The following MYLK4 variants were observed in gnomAD, a reference collection of about 807,000 sequenced individuals.
The protein encoded by MYLK4 is caMLCK like.
Under a neutral mutation model 48.1 loss-of-function variants are expected in MYLK4, and 46 were observed. That is an observed-to-expected ratio of 0.96 (90% CI 0.75 to 1.22). MYLK4 has a LOEUF of 1.22. Among genes scored for constraint, MYLK4 ranks in the 50% most tolerant of loss-of-function variants. The probability of loss-of-function intolerance (pLI) is 0.00; values close to 1 mark genes in which losing one functional copy is unlikely to be tolerated. For missense variants in MYLK4, 451 were observed against 486.1 expected, an observed-to-expected ratio of 0.93 and a Z score of 0.68; for synonymous variants, 170 against 180.8, an observed-to-expected ratio of 0.94 and a Z score of 0.48.
intron 2 of MYLK4, among the ~76,000 whole-genome samples, chr6:2,733,253 G>T (rs1463968241): frequency 6.6e-6 from 1 of 152,194 alleles, no homozygotes; most frequent in Non-Finnish European, 1.5e-5. Flanking sequence ...AGGTATAAGA[G>T]AACCAAATTT....
chr6:2,764,322 G>A, the MYLK4 span, among the ~76,000 whole-genome samples: 1 of 152,054 alleles, frequency 6.6e-6, no homozygotes, highest in East Asian at 1.9e-4. Context: ...CAAAGGCTAA[G>A]GCGGAAGGGT....
chr6:2,765,335 A>G, the MYLK4 span: 19 of 256,532 alleles, frequency 7.4e-5, no homozygotes, highest in East Asian at 1.4e-3. Context: ...GCCACGGACT[A>G]CACTTACTTA....
the MYLK4 span, chr6:2,768,619 G>A: frequency 7.5e-7 from 1 of 1,339,632 alleles, no homozygotes; most frequent in African/African-American, 1.5e-5. Context: ...GCTGCGTGTG[G>A]TGGTTCCCAT....
chr6:2,678,626 C>T (rs1302399177), intron 9 of MYLK4, among the ~76,000 whole-genome samples: 1 of 151,734 alleles, frequency 6.6e-6, no homozygotes, highest in Admixed American at 6.6e-5. Flanking sequence ...TTTCAGCTTG[C>T]AAAGTGCTAC....
At chr6:2,745,135 A>C (rs995654956) in intron 2 of MYLK4, among the ~76,000 whole-genome samples, 2 of 152,156 alleles carry the variant, frequency 1.3e-5, no homozygotes, top group African/African-American at 4.8e-5. Flanking sequence ...AGCAGTGAGA[A>C]GCACGCAGGG....
rs924560547 is a variant in MYLK4 at position 2,712,280 on chromosome 6, G to A, written c.160-19421C>T. The stretch of plus-strand genomic sequence containing the variant: ...AGCTGGCTCCCTTTTGTCCATCAAC[G>A]GCAGTCACCAGCTGTGTTCAGTAGC... On this transcript the variant is annotated intron_variant, in intron 2 of 12. Coordinates refer to ENST00000274643, the MANE Select transcript of MYLK4 (RefSeq NM_001012418.5). Among the ~76,000 whole-genome samples, 4 of 152,140 alleles carry A rather than the reference G, an allele frequency of 2.6e-5. No homozygotes were observed. In the East Asian group the frequency reaches 5.8e-4, roughly 22 times the overall value.
In MYLK4 at chr6:2,692,814, C is replaced by G. The variant is rs766411254; in HGVS notation, c.205G>C (p.Val69Leu). The G allele has an allele frequency of 1.9e-6, 3 of 1,613,642 alleles. No individual in the cohort carries two copies. Among genetic ancestry groups the G allele is most frequent in the Non-Finnish European group, 2.5e-6 (3 of 1,179,888 alleles). The change falls in exon 3 of 13, where the codon GTC (valine) becomes CTC (leucine). Residue 69 changes from valine (V) to leucine (L), a missense_variant. Val to Leu is a conservative substitution (Grantham distance 32). Transcript: ENST00000274643. ...AGGGCTGATGTCCTTTTGCTTTTGA[C>G]GGGCATCCTTTCCGTCAGGTCGGCG... ...SNADLTERMP[V>L]KSKRTSALAV...
At chr6:2,725,104 T>C (rs531914234) in intron 2 of MYLK4, among the ~76,000 whole-genome samples, 2 of 152,306 alleles carry the variant, frequency 1.3e-5, no homozygotes, top group South Asian at 4.1e-4. Context: ...TGAGCCGAGA[T>C]AGCCCCACTG....
chr6:2,706,326 A>G (rs192368822), intron 2 of MYLK4, among the ~76,000 whole-genome samples: 504 of 151,900 alleles, frequency 3.3e-3, no homozygotes, highest in Middle Eastern at 0.017. Context: ...AGTGAGAAGC[A>G]CGTTATTCGT....
At chr6:2,762,091 T>C in the MYLK4 span, among the ~76,000 whole-genome samples, 1 of 152,112 alleles carries the variant, frequency 6.6e-6, no homozygotes, top group Admixed American at 6.6e-5. Flanking sequence ...TTTGTATTTT[T>C]AGTAGACAGG....
chr6:2,758,460 T>C, the MYLK4 span, among the ~76,000 whole-genome samples: 1 of 151,726 alleles, frequency 6.6e-6, no homozygotes, highest in Non-Finnish European at 1.5e-5. Flanking sequence ...AAAAGATATA[T>C]GTATCTTTTA....
intron 2 of MYLK4, among the ~76,000 whole-genome samples, chr6:2,719,926 T>A (rs1183524091): frequency 6.7e-6 from 1 of 148,800 alleles, no homozygotes; most frequent in Non-Finnish European, 1.5e-5. Context: ...TCACCTGAGG[T>A]CAGGAGTTCG....
At chr6:2,710,285 A>T (rs962482713) in intron 2 of MYLK4, among the ~76,000 whole-genome samples, 2 of 152,172 alleles carry the variant, frequency 1.3e-5, no homozygotes, top group Non-Finnish European at 2.9e-5. Context: ...TCCTTAGGAG[A>T]TTGAAATAGG....
At chr6:2,743,949 A>G (rs1343069121) in intron 2 of MYLK4, 3 of 398,610 alleles carry the variant, frequency 7.5e-6, no homozygotes, top group Non-Finnish European at 1.3e-5. Flanking sequence ...GTCATCACGA[A>G]CCGGATCAAG....
chr6:2,746,162 G>A (rs975415322), intron 2 of MYLK4, among the ~76,000 whole-genome samples: 1 of 151,868 alleles, frequency 6.6e-6, no homozygotes, highest in African/African-American at 2.4e-5. Flanking sequence ...GGCTACTCAG[G>A]AGGCTAAGGC....
the MYLK4 span, among the ~76,000 whole-genome samples, chr6:2,768,040 T>C: frequency 6.6e-6 from 1 of 152,242 alleles, no homozygotes; most frequent in African/African-American, 2.4e-5. Context: ...TTCATATTAA[T>C]AACAGCATAT....
the MYLK4 span, chr6:2,768,917 G>T: frequency 6.4e-7 from 1 of 1,572,752 alleles, no homozygotes. Context: ...TGGTCGTTGT[G>T]AACATCAAAC....
chr6:2,714,125 A>G (rs1370185615), intron 2 of MYLK4, among the ~76,000 whole-genome samples: 2 of 152,190 alleles, frequency 1.3e-5, no homozygotes, highest in Non-Finnish European at 2.9e-5. Flanking sequence ...TTGAGGTAGG[A>G]GACCAGCAGG....
intron 10 of MYLK4, 31 bp from the exon 11 acceptor site, chr6:2,675,156 A>G: frequency 6.5e-7 from 1 of 1,536,248 alleles, no homozygotes; most frequent in Non-Finnish European, 9.0e-7. Flanking sequence ...TGATTAGTAG[A>G]AACACACCGA....
Sources: allele counts gnomAD v4.1 joint callset (sites outside exome capture counted in the v4.1 genomes callset), GRCh38; gene constraint gnomAD v4.1.1; transcripts MANE v1.5; gene names NCBI Gene and HGNC (gene_info 2026-07-23, HGNC 2026-07-21).